The following FAM227A variants were observed in gnomAD, a reference collection of about 807,000 sequenced individuals.
FAM227A encodes family with sequence similarity 227 member A, also known as protein FAM227A.
A neutral mutation model predicts 74.7 loss-of-function variants in FAM227A; 80 were observed. That is an observed-to-expected ratio of 1.07 (90% CI 0.89 to 1.29). The LOEUF is 1.29. Among genes scored for constraint, FAM227A ranks in the 50% most tolerant of loss-of-function variants. The probability of loss-of-function intolerance (pLI) is 0.00; values close to 1 mark genes in which losing one functional copy is unlikely to be tolerated. For synonymous variants in FAM227A, 237 were observed against 241.8 expected (o/e 0.98, Z 0.19); for missense variants, 654 against 683.4 (o/e 0.96, Z 0.48).
intron 9 of FAM227A, among the ~76,000 whole-genome samples, chr22:38,625,938 A>T (rs1279313193): frequency 7.3e-6 from 1 of 137,242 alleles, no homozygotes; most frequent in Non-Finnish European, 1.5e-5. Context: ...GCGAGACTCT[A>T]TCTCCAAAAA....
At chr22:38,601,694 A>G (rs1464743896) in intron 13 of FAM227A, among the ~76,000 whole-genome samples, 1 of 152,168 alleles carries the variant, frequency 6.6e-6, no homozygotes, top group Non-Finnish European at 1.5e-5. Flanking sequence ...GTGATTGCAG[A>G]CAAGGGGTGA....
Position 38,656,335 on chromosome 22 carries a change from C to G in FAM227A, c.-310G>C, listed in dbSNP as rs1338253795. 1 of 152,308 alleles carries G rather than the reference C, an allele frequency of 6.6e-6. No homozygotes were observed. The highest frequency in any genetic ancestry group is 1.9e-4 in the East Asian group (1 of 5,190). The allele number at this position is 152,308 out of a possible 1,614,324, so 9.4% of individuals were successfully genotyped here. On this transcript the variant is annotated 5_prime_UTR_variant, in exon 1 of 17. Transcript: ENST00000535113. ...AGGCGTTCTCTAGGCAACGCCGGCG[C>G]GGTCTCCACTTTCCCGTTTAGCATA...
At chr22:38,607,290 A>G (rs1480370045) in intron 12 of FAM227A, 99 bp downstream of exon 12, 1 of 791,256 alleles carries the variant, frequency 1.3e-6, no homozygotes, top group African/African-American at 1.7e-5. Flanking sequence ...AGTATAAAGT[A>G]GGTCAGCAAA....
At chr22:38,592,673 C>A (rs1398132087) in intron 15 of FAM227A, among the ~76,000 whole-genome samples, 1 of 152,138 alleles carries the variant, frequency 6.6e-6, no homozygotes, top group African/African-American at 2.4e-5. Context: ...GATCTTGAGA[C>A]CCTGTCACTA....
intron 15 of FAM227A, among the ~76,000 whole-genome samples, chr22:38,594,147 T>C (rs2090996220): frequency 6.6e-6 from 1 of 152,218 alleles, no homozygotes; most frequent in African/African-American, 2.4e-5. Flanking sequence ...GACTTTAGCC[T>C]TGTTGAGACT....
intron 9 of FAM227A, among the ~76,000 whole-genome samples, chr22:38,625,943 CAAAAA>C (rs141715277): frequency 7.0e-5 from 5 of 71,528 alleles, no homozygotes; most frequent in Admixed American, 1.7e-4. Context: ...ACTCTATCTC[CAAAAA>C]AAAAAAAAAA....
intron 15 of FAM227A, among the ~76,000 whole-genome samples, chr22:38,595,229 C>T (rs2091020038): frequency 6.6e-6 from 1 of 152,122 alleles, no homozygotes; most frequent in African/African-American, 2.4e-5. Flanking sequence ...ATAGCAATTC[C>T]CTCTTTCTCG....
rs2090699831 is a variant in FAM227A at position 38,580,772 on chromosome 22, T to C, written c.*5353A>G. 1 of 152,182 alleles carries C rather than the reference T, an allele frequency of 6.6e-6. No homozygotes were observed. Among genetic ancestry groups the C allele is most frequent in the African/African-American group, 2.4e-5 (1 of 41,440 alleles). 9.4% of individuals were successfully genotyped at this position (152,182 alleles called of 1,614,324 possible). A position where few individuals can be genotyped will look rare whatever the true frequency, so the allele number is the denominator to read the frequency against. On this transcript the variant is annotated 3_prime_UTR_variant, in exon 17 of 17. Transcript: ENST00000535113. The stretch of plus-strand genomic sequence containing the variant: ...GTTTCCTAGTATCCAATTAGTTTCC[T>C]CCTTTCCCCTTTCCTTTTTTATCTT...
chr22:38,602,052 C>A (rs1453958976), intron 13 of FAM227A, among the ~76,000 whole-genome samples: 1 of 152,158 alleles, frequency 6.6e-6, no homozygotes, highest in East Asian at 1.9e-4. Context: ...AGCAGTTATA[C>A]CTTAATGGAA....
chr22:38,652,876 C>CA (rs10554372), intron 1 of FAM227A, among the ~76,000 whole-genome samples: 1,582 of 89,980 alleles, frequency 0.018, 50 homozygotes, highest in Admixed American at 0.11. Context: ...GACTCCATCT[C>CA]AAAAAAAAAA....
chr22:38,591,432 T>A lies in FAM227A; in HGVS notation c.1638+3A>T. 6.4e-7 allele frequency: 1 copy of A among 1,550,664 alleles called. No homozygotes were observed. Among genetic ancestry groups the A allele is most frequent in the Non-Finnish European group, 8.7e-7 (1 of 1,146,836 alleles). ...TAAACTCAATTTCTCTTTGGAGACT[T>A]CCCTTAGTTTTCTTGTCAGGTGATT... On this transcript the variant is annotated splice_donor_region_variant and intron_variant, in intron 16 of 16. Transcript: ENST00000535113.
At position 38,585,504 on chromosome 22, in the gene FAM227A, A is replaced by C. The variant is rs1029134369; in HGVS notation, c.*621T>G. ...TTAGAGGAGCAGGAGGCAAAGGTTC[A>C]GAGGCAGCATAATAGAAGCGCCTAT... On this transcript the variant is annotated 3_prime_UTR_variant, in exon 17 of 17. Transcript: ENST00000535113. The C allele has an allele frequency of 6.6e-6, 1 of 152,532 alleles. No homozygotes were observed. The highest frequency in any genetic ancestry group is 1.5e-5 in the Non-Finnish European group (1 of 68,284). 9.4% of individuals were successfully genotyped at this position (152,532 alleles called of 1,614,324 possible).
In FAM227A at chr22:38,623,203, T is replaced by A; in HGVS notation, c.927A>T (p.Glu309Asp). 6.4e-7 allele frequency: 1 copy of A among 1,551,652 alleles called. No homozygotes were observed. The highest frequency in any genetic ancestry group is 1.2e-5 in the South Asian group (1 of 84,064). ...ELDPERFRRE[E>D]LMLYRRRLTK... ...TCAGTCTTCTTCTGTACAACATTAA[T>A]TCTTCTCTGCGGAATCGCTCTGGGT... is the stretch of plus-strand genomic sequence containing the variant. Residue 309 changes from glutamate (E) to aspartate (D), a missense_variant, in exon 10 of 17, where the codon GAA (glutamate) becomes GAT (aspartate). Coordinates refer to ENST00000535113, the MANE Select transcript of FAM227A (RefSeq NM_001013647.2).
intron 11 of FAM227A, among the ~76,000 whole-genome samples, chr22:38,610,351 C>A (rs1041463851): frequency 2.0e-5 from 3 of 152,162 alleles, no homozygotes; most frequent in African/African-American, 7.2e-5. Context: ...TCTTAACAGG[C>A]CTCAGAGAGT....
At chr22:38,638,589 G>GT (rs1360310613) in intron 5 of FAM227A, among the ~76,000 whole-genome samples, 157 bp downstream of exon 5, 1 of 152,312 alleles carries the variant, frequency 6.6e-6, no homozygotes, top group African/African-American at 2.4e-5. Context: ...CTCTGCTGTT[G>GT]TAAGGGTGTT....
At chr22:38,643,964 G>A (rs2092171511) in intron 3 of FAM227A, among the ~76,000 whole-genome samples, 1 of 151,812 alleles carries the variant, frequency 6.6e-6, no homozygotes, top group Admixed American at 6.6e-5. Flanking sequence ...TGGCTAACAT[G>A]GTGAAACCCC....
At position 38,579,912 on chromosome 22, in the gene FAM227A, TTGA is replaced by T. The variant is rs2090691766; in HGVS notation, c.*6210_*6212del. On this transcript the variant is annotated 3_prime_UTR_variant, in exon 17 of 17. Coordinates refer to ENST00000535113, the MANE Select transcript of FAM227A (RefSeq NM_001013647.2). ...AATAATGTCCACATGTTGTAATTGA[TTGA>T]TGTCTTTTTTTTTTCTTTTTAGAGA... is the stretch of plus-strand genomic sequence containing the variant. 1 of 152,108 alleles carries T rather than the reference TTGA, an allele frequency of 6.6e-6. No individual in the cohort carries two copies. Among genetic ancestry groups the T allele is most frequent in the African/African-American group, 2.4e-5 (1 of 41,432 alleles). The allele number at this position is 152,108 out of a possible 1,614,324, so 9.4% of individuals were successfully genotyped here.
At chr22:38,649,543 G>A (rs1482183959) in intron 2 of FAM227A, among the ~76,000 whole-genome samples, 5 of 150,900 alleles carry the variant, frequency 3.3e-5, no homozygotes, top group African/African-American at 1.2e-4. Flanking sequence ...TCCAGCCTGG[G>A]CAACAGAGTG....
chr22:38,633,117 G>A (rs1455138798), intron 6 of FAM227A, among the ~76,000 whole-genome samples: 3 of 152,204 alleles, frequency 2.0e-5, no homozygotes, highest in Non-Finnish European at 4.4e-5. Context: ...CCAAGAGTGA[G>A]GGGAGGTAAC....
Sources: gnomAD v4.1 joint callset for allele counts (sites outside exome capture counted in the v4.1 genomes callset) on GRCh38, gnomAD v4.1.1 for gene constraint, MANE v1.5 for transcripts, NCBI Gene and HGNC (gene_info 2026-07-23, HGNC 2026-07-21) for gene names.